The following NELL2 variants were observed in gnomAD, a reference collection of about 807,000 sequenced individuals.
The protein encoded by NELL2 is neural EGFL like 2.
A neutral mutation model predicts 109.6 loss-of-function variants in NELL2; 41 were observed. The observed-to-expected ratio is 0.37, with a 90% CI of 0.29 to 0.49. The LOEUF (loss-of-function observed/expected upper bound fraction) is 0.49, where lower values mean the gene tolerates loss of function less well. NELL2 is among the 20% of genes least tolerant of loss of function. The pLI is 0.98. For synonymous variants in NELL2, 355 were observed against 344.7 expected (o/e 1.03, Z -0.33); for missense variants, 900 against 1,008.3 (o/e 0.89, Z 1.45).
At chr12:44,855,045 C>T (rs1020642217) in intron 2 of NELL2, among the ~76,000 whole-genome samples, 5 of 151,862 alleles carry the variant, frequency 3.3e-5, no homozygotes, top group African/African-American at 1.2e-4. Context: ...AATATTATTC[C>T]AACATATAAC....
intron 15 of NELL2, among the ~76,000 whole-genome samples, chr12:44,552,468 CAGAT>C (rs1158588282): frequency 3.9e-5 from 6 of 152,240 alleles, no homozygotes; most frequent in Admixed American, 2.0e-4. Context: ...ACTTCCCACT[CAGAT>C]AGACTGTATT....
chr12:44,810,987 C>T (rs1457077516), intron 3 of NELL2, among the ~76,000 whole-genome samples: 1 of 151,914 alleles, frequency 6.6e-6, no homozygotes, highest in Admixed American at 6.6e-5. Flanking sequence ...CAATGAAATA[C>T]ATGCGGCCAT....
intron 13 of NELL2, among the ~76,000 whole-genome samples, chr12:44,636,924 T>G (rs993579239): frequency 6.6e-6 from 1 of 152,150 alleles, no homozygotes; most frequent in African/African-American, 2.4e-5. Context: ...CTGCCTCAAT[T>G]TCAGACCTTG....
At chr12:44,724,529 C>T (rs1321030065) in intron 9 of NELL2, among the ~76,000 whole-genome samples, 1 of 151,926 alleles carries the variant, frequency 6.6e-6, no homozygotes, top group African/African-American at 2.4e-5. Context: ...AATAAAACAT[C>T]TAAGAATACA....
chr12:44,672,614 T>C (rs1407366953), intron 12 of NELL2, among the ~76,000 whole-genome samples: 5 of 152,224 alleles, frequency 3.3e-5, no homozygotes. Context: ...ATACCTCAGA[T>C]ATCTCCCAAG....
upstream of NELL2, among the ~76,000 whole-genome samples, chr12:44,918,555 G>A (rs1945846423): frequency 6.6e-6 from 1 of 150,590 alleles, no homozygotes; most frequent in Non-Finnish European, 1.5e-5. Context: ...GTGTGTGTGT[G>A]TGTGTGTGTG....
intron 12 of NELL2, among the ~76,000 whole-genome samples, chr12:44,668,203 T>G (rs1948003482): frequency 6.6e-6 from 1 of 152,004 alleles, no homozygotes; most frequent in Admixed American, 6.5e-5. Context: ...TCCTACACAC[T>G]GGGGAATAGA....
At position 44,809,419 on chromosome 12, in the gene NELL2, G is replaced by A. The variant is rs115123489; in HGVS notation, c.335+6567C>T. Among the ~76,000 whole-genome samples the A allele has an allele frequency of 5.1e-3, 782 of 152,016 alleles. 4 individuals are homozygous for A. Among genetic ancestry groups the A allele is most frequent in the African/African-American group, 0.017 (719 of 41,484 alleles). Reference sequence around the variant, plus strand: ...TAGTCAGAAAACTATAATAATGAGAGAACTCCTTTAATCAGCCTGAGTGTC... The same window carrying A: ...TAGTCAGAAAACTATAATAATGAGAAAACTCCTTTAATCAGCCTGAGTGTC... On this transcript the variant is annotated intron_variant, in intron 3 of 19. Transcript: ENST00000429094.
At chr12:44,552,537 T>C (rs754486880) in intron 15 of NELL2, among the ~76,000 whole-genome samples, 1 of 152,186 alleles carries the variant, frequency 6.6e-6, no homozygotes, top group Non-Finnish European at 1.5e-5. Flanking sequence ...AAGATAATTA[T>C]ACTAAAATTT....
At chr12:44,647,299 A>G (rs888678054) in intron 13 of NELL2, among the ~76,000 whole-genome samples, 21 of 152,188 alleles carry the variant, frequency 1.4e-4, no homozygotes, top group Admixed American at 3.9e-4. Flanking sequence ...TGCCTTCCCT[A>G]AAGTGATGGA....
chr12:44,663,174 A>C (rs1245637952), intron 13 of NELL2, among the ~76,000 whole-genome samples: 4 of 152,172 alleles, frequency 2.6e-5, no homozygotes, highest in Non-Finnish European at 2.9e-5. Flanking sequence ...GGGGGAGCCA[A>C]TCCCAGGACA....
chr12:44,908,229 T>G (rs540206378), intron 1 of NELL2, among the ~76,000 whole-genome samples: 1 of 151,978 alleles, frequency 6.6e-6, no homozygotes, highest in South Asian at 2.1e-4. Flanking sequence ...CTATGTGGTA[T>G]AGATAAGAAA....
intron 2 of NELL2, among the ~76,000 whole-genome samples, chr12:44,820,263 T>C (rs895125117): frequency 2.6e-5 from 4 of 152,176 alleles, no homozygotes; most frequent in Non-Finnish European, 4.4e-5. Flanking sequence ...GCCTAAACTA[T>C]GTAAGTGGCA....
chr12:44,591,547 C>G (rs1361316885), intron 15 of NELL2, among the ~76,000 whole-genome samples: 3 of 152,048 alleles, frequency 2.0e-5, no homozygotes, highest in Non-Finnish European at 4.4e-5. Context: ...TGCTGTCACC[C>G]ATACATGGAA....
intron 13 of NELL2, among the ~76,000 whole-genome samples, chr12:44,611,770 A>G (rs1945634204): frequency 6.6e-6 from 1 of 152,054 alleles, no homozygotes; most frequent in South Asian, 2.1e-4. Context: ...TCACAGGAAT[A>G]TCAAGTAACT....
intron 13 of NELL2, among the ~76,000 whole-genome samples, chr12:44,662,818 CTGT>C (rs1947793272): frequency 6.6e-6 from 1 of 152,030 alleles, no homozygotes; most frequent in Admixed American, 6.6e-5. Context: ...CTGGGAGTAT[CTGT>C]TGTTCTGTTA....
At chr12:44,556,642 C>G (rs983388633) in intron 15 of NELL2, among the ~76,000 whole-genome samples, 1 of 152,132 alleles carries the variant, frequency 6.6e-6, no homozygotes, top group African/African-American at 2.4e-5. Flanking sequence ...AGGTACTAAC[C>G]CAGCTAAGAT....
intron 9 of NELL2, among the ~76,000 whole-genome samples, chr12:44,765,724 C>T (rs1393543045): frequency 6.6e-6 from 1 of 152,188 alleles, no homozygotes; most frequent in Non-Finnish European, 1.5e-5. Context: ...AAGGCAATTT[C>T]ATGTGGTATT....
At chr12:44,899,275 T>A (rs1258579844) in intron 1 of NELL2, among the ~76,000 whole-genome samples, 1 of 152,134 alleles carries the variant, frequency 6.6e-6, no homozygotes, top group Non-Finnish European at 1.5e-5. Context: ...ACCATAATGA[T>A]ACTCCTCGAG....
Sources: gnomAD v4.1 joint callset for allele counts (sites outside exome capture counted in the v4.1 genomes callset) on GRCh38, gnomAD v4.1.1 for gene constraint, MANE v1.5 for transcripts, NCBI Gene and HGNC (gene_info 2026-07-23, HGNC 2026-07-21) for gene names.